The following RIMBP2 variants were observed in gnomAD, a reference collection of about 807,000 sequenced individuals.
RIMBP2 encodes the protein RIMS-binding protein 2.
RIMBP2 carries 48 observed loss-of-function variants against 118.6 expected under a neutral mutation model. That is an observed-to-expected ratio of 0.40 (90% confidence interval 0.32 to 0.51). RIMBP2 has a LOEUF of 0.51. Ranked by LOEUF, RIMBP2 falls within the 20% of genes least tolerant of loss-of-function variation. The probability of loss-of-function intolerance (pLI) is 0.41; values close to 1 mark genes in which losing one functional copy is unlikely to be tolerated. For synonymous variants in RIMBP2, 762 were observed against 742.9 expected (o/e 1.03, Z -0.42); for missense variants, 1,551 against 1,768.3 (o/e 0.88, Z 2.20).
intron 2 of RIMBP2, among the ~76,000 whole-genome samples, chr12:130,593,569 C>G (rs1291258738): frequency 6.6e-6 from 1 of 152,232 alleles, no homozygotes; most frequent in Non-Finnish European, 1.5e-5. Flanking sequence ...AATCTGGGTG[C>G]TCCGTGGGCT....
At chr12:130,715,102 T>A (rs1950236423) in intron 1 of RIMBP2, among the ~76,000 whole-genome samples, 1 of 152,222 alleles carries the variant, frequency 6.6e-6, no homozygotes, top group African/African-American at 2.4e-5. Context: ...GGAGCCGCTC[T>A]CCCTCCTCTC....
intron 2 of RIMBP2, among the ~76,000 whole-genome samples, chr12:130,559,102 T>C (rs1031346241): frequency 9.2e-5 from 14 of 152,180 alleles, no homozygotes; most frequent in African/African-American, 2.9e-4. Context: ...CTGATATATG[T>C]TTATGTTATG....
At chr12:130,704,818 G>T (rs887261728) in intron 1 of RIMBP2, among the ~76,000 whole-genome samples, 1 of 152,130 alleles carries the variant, frequency 6.6e-6, no homozygotes, top group African/African-American at 2.4e-5. Flanking sequence ...CAGGGTCACC[G>T]GTTCAGGTCC....
chr12:130,560,391 G>A (rs1014164193), intron 2 of RIMBP2, among the ~76,000 whole-genome samples: 3 of 152,090 alleles, frequency 2.0e-5, no homozygotes, highest in African/African-American at 7.2e-5. Context: ...TCTTTGCTGT[G>A]GGGCTGTCTT....
chr12:130,414,160 C>T lies in RIMBP2; in HGVS notation c.3385G>A (p.Glu1129Lys), dbSNP rs1438233776. ...TMSPNPDAAE[E>K]ELPFKEGQII... Reference sequence around the variant, plus strand: ...TGGCCTTCTTTAAAGGGAAGCTCCTCCTCTGCAGCATCTGGGTTTGGGGAC... The same window carrying T: ...TGGCCTTCTTTAAAGGGAAGCTCCTTCTCTGCAGCATCTGGGTTTGGGGAC... Residue 1129 changes from glutamate (E) to lysine (K), a missense_variant, in exon 18 of 23, where the codon GAG (glutamate) becomes AAG (lysine). Glu to Lys is a moderately conservative substitution (Grantham distance 56). Around this residue, in one of 5 missense-constraint regions of RIMBP2, gnomAD observed 1,038 missense variants for 1,125.1 expected, o/e 0.92. Transcript: ENST00000690449. 1 of 1,614,106 alleles carries T rather than the reference C, an allele frequency of 6.2e-7. No homozygotes were observed. Among genetic ancestry groups the T allele is most frequent in the Non-Finnish European group, 8.5e-7 (1 of 1,180,052 alleles).
Position 130,623,121 on chromosome 12 carries a change from T to G in RIMBP2, c.-217+5201A>C, listed in dbSNP as rs76975979. Reference sequence around the variant, plus strand: ...AAATACATATAAAACGAAGGTCAACTGAATACTATTAAAGACTGAGGTAAT... The same window carrying G: ...AAATACATATAAAACGAAGGTCAACGGAATACTATTAAAGACTGAGGTAAT... On this transcript the variant is annotated intron_variant, in intron 2 of 22. Coordinates refer to ENST00000690449, the MANE Select transcript of RIMBP2 (RefSeq NM_001393629.1). The surrounding 1 kb of genome is among the most constrained non-coding windows in gnomAD (Gnocchi z 4.1). Among the ~76,000 whole-genome samples the G allele has an allele frequency of 2.2e-3, 339 of 152,346 alleles. 1 individual carries two copies. The highest frequency in any genetic ancestry group is 7.8e-3 in the African/African-American group (324 of 41,570).
At chr12:130,440,244 G>A (rs1276743020) in intron 11 of RIMBP2, among the ~76,000 whole-genome samples, 1 of 145,936 alleles carries the variant, frequency 6.9e-6, no homozygotes, top group Non-Finnish European at 1.5e-5. Flanking sequence ...AACCCTGGCC[G>A]TACCTGCACC....
chr12:130,520,148 G>T (rs2051925173), intron 2 of RIMBP2, among the ~76,000 whole-genome samples: 1 of 152,162 alleles, frequency 6.6e-6, no homozygotes, highest in Admixed American at 6.5e-5. Flanking sequence ...TTATAGAAAT[G>T]CTTACATCTA....
chr12:130,470,610 C>T, intron 6 of RIMBP2, 83 bp downstream of exon 6: 1 of 751,300 alleles, frequency 1.3e-6, no homozygotes, highest in Non-Finnish European at 1.8e-6. Flanking sequence ...TCATAAACAT[C>T]ATCTATTATT....
intron 2 of RIMBP2, among the ~76,000 whole-genome samples, chr12:130,610,117 C>T (rs1034276808): frequency 7.3e-5 from 11 of 150,748 alleles, no homozygotes; most frequent in Non-Finnish European, 1.5e-4. Flanking sequence ...GAAGCCTGCT[C>T]CTCCCAGTCC....
At chr12:130,686,884 G>T (rs2065074328) in intron 1 of RIMBP2, among the ~76,000 whole-genome samples, 3 of 152,228 alleles carry the variant, frequency 2.0e-5, no homozygotes, top group Admixed American at 2.0e-4. Context: ...CCAGAAGGCA[G>T]CGGGGAGAGA....
intron 2 of RIMBP2, among the ~76,000 whole-genome samples, chr12:130,547,245 T>C (rs972029374): frequency 6.6e-6 from 1 of 152,218 alleles, no homozygotes; most frequent in African/African-American, 2.4e-5. Context: ...TAAGTGTGCA[T>C]ACGCTCACAC....
In RIMBP2 at chr12:130,709,732, C is replaced by T. The variant is rs1195592; in HGVS notation, c.-352+6490G>A. 4.6e-5 allele frequency among the ~76,000 whole-genome samples: 7 copies of T among 151,722 alleles called. No homozygotes were observed. The East Asian group carries it at 1.4e-3, about 30-fold the overall frequency. On this transcript the variant is annotated intron_variant, in intron 1 of 22. Transcript: ENST00000690449. The stretch of plus-strand genomic sequence containing the variant: ...AAGAATGCCTTGAGGAAACCCCCCC[C>T]CTTCCCACCCAACCCAGCGGCCCGT...
At chr12:130,520,184 G>A (rs2139103259) in intron 2 of RIMBP2, among the ~76,000 whole-genome samples, 1 of 152,270 alleles carries the variant, frequency 6.6e-6, no homozygotes, top group African/African-American at 2.4e-5. Context: ...TTCCATCTCA[G>A]TGATTCAAGG....
At chr12:130,477,538 G>A (rs1456897573) in intron 5 of RIMBP2, among the ~76,000 whole-genome samples, 1 of 152,190 alleles carries the variant, frequency 6.6e-6, no homozygotes, top group Admixed American at 6.5e-5. Context: ...ATGAAATATT[G>A]CTGCTCCGGG....
intron 2 of RIMBP2, among the ~76,000 whole-genome samples, chr12:130,588,819 T>G (rs989485867): frequency 1.3e-5 from 2 of 152,240 alleles, no homozygotes; most frequent in Non-Finnish European, 2.9e-5. Flanking sequence ...CCTAAGTGTC[T>G]GCCAAGATGA....
At chr12:130,485,717 C>T (rs1013295773) in intron 4 of RIMBP2, among the ~76,000 whole-genome samples, 1 of 152,172 alleles carries the variant, frequency 6.6e-6, no homozygotes, top group Non-Finnish European at 1.5e-5. Context: ...GGTAGATTCA[C>T]CAGGCACCGA....
At chr12:130,646,052 T>C (rs2062869766) in intron 1 of RIMBP2, among the ~76,000 whole-genome samples, 1 of 130,162 alleles carries the variant, frequency 7.7e-6, no homozygotes, top group African/African-American at 2.6e-5. Flanking sequence ...CCTCTCCACC[T>C]CCCTCACCAC....
chr12:130,561,416 G>A (rs770346733), intron 2 of RIMBP2, among the ~76,000 whole-genome samples: 16 of 152,302 alleles, frequency 1.1e-4, no homozygotes, highest in African/African-American at 1.9e-4. Flanking sequence ...GGTCAGTGTG[G>A]TTAAAAGAGG....
Sources: allele counts gnomAD v4.1 joint callset (sites outside exome capture counted in the v4.1 genomes callset), GRCh38; gene constraint gnomAD v4.1.1; regional missense constraint gnomAD v4.1.1; non-coding constraint Gnocchi (gnomAD v3.1); transcripts MANE v1.5; gene names NCBI Gene and HGNC (gene_info 2026-07-23, HGNC 2026-07-21).